The following EYA2 variants were observed in gnomAD, a reference collection of about 807,000 sequenced individuals.
The protein encoded by EYA2 is protein phosphatase EYA2.
EYA2 carries 31 observed loss-of-function variants against 69.2 expected under a neutral mutation model. The ratio of observed to expected loss-of-function variants is 0.45; its 90% CI spans 0.34 to 0.60. EYA2 has a LOEUF of 0.60. Ranked by LOEUF, EYA2 falls within the 20% of genes least tolerant of loss-of-function variation. EYA2 has a pLI of 0.02. For synonymous variants in EYA2, 257 were observed against 279.4 expected (o/e 0.92, Z 0.80); for missense variants, 622 against 701.2 (o/e 0.89, Z 1.28).
chr20:47,081,468 C>T (rs966783154), intron 7 of EYA2, among the ~76,000 whole-genome samples: 3 of 152,048 alleles, frequency 2.0e-5, no homozygotes, highest in East Asian at 3.9e-4. Context: ...TCATCATCTA[C>T]AGGGTTGCTG....
At chr20:47,023,022 T>G (rs1445467539) in intron 5 of EYA2, among the ~76,000 whole-genome samples, 1 of 151,834 alleles carries the variant, frequency 6.6e-6, no homozygotes, top group African/African-American at 2.4e-5. Flanking sequence ...TTCCCCTCCC[T>G]CCGATATATT....
intron 1 of EYA2, among the ~76,000 whole-genome samples, chr20:46,959,756 G>A (rs1054867813): frequency 1.3e-5 from 2 of 152,278 alleles, no homozygotes; most frequent in East Asian, 1.9e-4. Context: ...CCCCCACGTC[G>A]TTGTCCTGCA....
At chr20:47,009,647 A>G (rs944050360) in intron 4 of EYA2, among the ~76,000 whole-genome samples, 1 of 152,208 alleles carries the variant, frequency 6.6e-6, no homozygotes, top group African/African-American at 2.4e-5. Flanking sequence ...CTTTTTCTAT[A>G]AAGAGCCACA....
chr20:47,089,479 A>G, intron 8 of EYA2, 98 bp downstream of exon 8: 1 of 1,386,228 alleles, frequency 7.2e-7, no homozygotes, highest in Non-Finnish European at 9.8e-7. Context: ...CGAGGCGGAG[A>G]ATCGCCCTTC....
chr20:47,088,321 GTTT>G (rs1205330092), intron 7 of EYA2, among the ~76,000 whole-genome samples: 5 of 152,352 alleles, frequency 3.3e-5, no homozygotes, highest in Non-Finnish European at 5.9e-5. Context: ...TGCAGCCCCC[GTTT>G]ACCTCTGGGG....
chr20:47,066,642 T>C (rs1600683336), intron 5 of EYA2, among the ~76,000 whole-genome samples: 1 of 152,092 alleles, frequency 6.6e-6, no homozygotes, highest in East Asian at 1.9e-4. Context: ...CTCCTATCCC[T>C]TTGCCTAGAA....
At chr20:46,969,751 A>C (rs1446615520) in intron 1 of EYA2, among the ~76,000 whole-genome samples, 1 of 152,188 alleles carries the variant, frequency 6.6e-6, no homozygotes, top group Non-Finnish European at 1.5e-5. Flanking sequence ...TTGGGGGTTC[A>C]TTTAATTTTT....
intron 9 of EYA2, among the ~76,000 whole-genome samples, chr20:47,111,690 A>G (rs553562312): frequency 6.6e-6 from 1 of 152,342 alleles, no homozygotes; most frequent in African/African-American, 2.4e-5. Context: ...TTTCTGCTGC[A>G]TTCTGTCAGC....
At chr20:47,005,969 T>G (rs1982687373) in intron 4 of EYA2, among the ~76,000 whole-genome samples, 1 of 152,234 alleles carries the variant, frequency 6.6e-6, no homozygotes. Flanking sequence ...TTATTGCCTA[T>G]GTAGCTGGAA....
intron 5 of EYA2, among the ~76,000 whole-genome samples, chr20:47,036,906 A>G (rs1399317282): frequency 6.6e-6 from 1 of 152,206 alleles, no homozygotes; most frequent in Non-Finnish European, 1.5e-5. Context: ...CACATTGGTA[A>G]GATACAAATG....
At chr20:46,968,270 T>A (rs1037237496) in intron 1 of EYA2, among the ~76,000 whole-genome samples, 6 of 152,238 alleles carry the variant, frequency 3.9e-5, no homozygotes. Context: ...TTAGCAATTG[T>A]GATCATTCAT....
In EYA2 at chr20:47,180,836, G is replaced by T. The variant is rs779214629; in HGVS notation, c.1335G>T (p.Leu445=). The T allele has an allele frequency of 6.2e-7, 1 of 1,614,174 alleles. No individual in the cohort carries two copies. Among genetic ancestry groups the T allele is most frequent in the East Asian group, 2.2e-5 (1 of 44,884 alleles). The part of the protein sequence containing the change: ...INSRPNCVNV[L]VTTTQLIPAL... ...TTAGGCCCAACTGTGTCAATGTGCT[G>T]GTCACCACCACTCAACTAATTCCTG... Residue 445 remains leucine, a synonymous_variant, in exon 14 of 16, where the codon CTG becomes CTT. Transcript: ENST00000327619.
chr20:46,986,776 A>G (rs1200919909), intron 1 of EYA2, among the ~76,000 whole-genome samples: 1 of 152,106 alleles, frequency 6.6e-6, no homozygotes, highest in Non-Finnish European at 1.5e-5. Context: ...TCTGTGAACT[A>G]ATAGAACAAG....
intron 1 of EYA2, 129 bp from the exon 2 acceptor site, chr20:46,989,872 T>G (rs1298159326): frequency 6.1e-6 from 3 of 494,410 alleles, no homozygotes; most frequent in African/African-American, 1.9e-5. Flanking sequence ...TTTTATCATG[T>G]AGAATTTATA....
At chr20:46,915,993 G>A (rs1984887296) in intron 1 of EYA2, among the ~76,000 whole-genome samples, 1 of 152,178 alleles carries the variant, frequency 6.6e-6, no homozygotes, top group Non-Finnish European at 1.5e-5. Context: ...AAGATCAACC[G>A]AAATGACCAC....
intron 9 of EYA2, among the ~76,000 whole-genome samples, chr20:47,122,098 C>T (rs1168625640): frequency 6.6e-6 from 1 of 152,166 alleles, no homozygotes; most frequent in Non-Finnish European, 1.5e-5. Flanking sequence ...GGGCATGCTG[C>T]ACCCACAATC....
At chr20:47,011,117 CATT>C (rs1983031155) in intron 4 of EYA2, among the ~76,000 whole-genome samples, 1 of 152,038 alleles carries the variant, frequency 6.6e-6, no homozygotes, top group Admixed American at 6.6e-5. Context: ...TGAAATGAAT[CATT>C]ATATGGATGG....
At chr20:47,138,171 T>G (rs77913025) in intron 9 of EYA2, among the ~76,000 whole-genome samples, 1 of 151,454 alleles carries the variant, frequency 6.6e-6, no homozygotes, top group Admixed American at 6.6e-5. Flanking sequence ...AAAAAAAAAG[T>G]GTTCTGACCC....
intron 1 of EYA2, among the ~76,000 whole-genome samples, chr20:46,984,082 T>C (rs1445236377): frequency 6.6e-6 from 1 of 152,048 alleles, no homozygotes; most frequent in East Asian, 1.9e-4. Flanking sequence ...TGGAGAAAAA[T>C]TAAACTTTAA....
Sources: allele counts gnomAD v4.1 joint callset (sites outside exome capture counted in the v4.1 genomes callset), GRCh38; gene constraint gnomAD v4.1.1; transcripts MANE v1.5; gene names NCBI Gene and HGNC (gene_info 2026-07-23, HGNC 2026-07-21).